TMEM233: variants seen among roughly 807,000 people sequenced by gnomAD.
TMEM233 encodes dispanin subfamily B member 2.
TMEM233 carries 6 observed loss-of-function variants against 11.2 expected under a neutral mutation model. That is an observed-to-expected ratio of 0.54 (90% confidence interval 0.29 to 1.06). TMEM233 has a LOEUF of 1.06. Ranked by LOEUF, TMEM233 falls within the 50% of genes least tolerant of loss-of-function variation. The pLI is 0.08. For synonymous variants in TMEM233, 59 were observed against 55.8 expected (o/e 1.06, Z -0.26); for missense variants, 127 against 144.7 (o/e 0.88, Z 0.63).
At chr12:119,621,450 T>C (rs1016086188) in intron 1 of TMEM233, among the ~76,000 whole-genome samples, 1 of 152,192 alleles carries the variant, frequency 6.6e-6, no homozygotes, top group Non-Finnish European at 1.5e-5. Context: ...CCCAAAGTGC[T>C]GGGATTACAG....
chr12:119,599,541 T>C (rs2136673356), intron 1 of TMEM233, among the ~76,000 whole-genome samples: 1 of 152,196 alleles, frequency 6.6e-6, no homozygotes, highest in South Asian at 2.1e-4. Context: ...CGATGGAAAA[T>C]AGCTGGCTGG....
chr12:119,610,561 TG>T (rs1346422169), intron 1 of TMEM233, among the ~76,000 whole-genome samples: 2 of 152,134 alleles, frequency 1.3e-5, no homozygotes, highest in South Asian at 2.1e-4. Flanking sequence ...AATTGAATCA[TG>T]GGGGTGGTTT....
At chr12:119,643,616 A>C (rs1955113499), downstream of TMEM233, among the ~76,000 whole-genome samples, 1 of 151,924 alleles carries the variant, frequency 6.6e-6, no homozygotes, top group Non-Finnish European at 1.5e-5. Context: ...AAAATACAAA[A>C]AATTAGCCGG....
Position 119,642,571 on chromosome 12 carries a change from A to G in TMEM233, c.*1866A>G, listed in dbSNP as rs139762481. The G allele has an allele frequency of 2.0e-5, 3 of 152,258 alleles. No homozygotes were observed. In the East Asian group the frequency reaches 5.8e-4, roughly 29 times the overall value. 9.4% of individuals were successfully genotyped at this position (152,258 alleles called of 1,614,324 possible). ...GCCCTTTTGTTTTTGCAGGGTTTTT[A>G]TTGGCCACTAACTAGCTATGCAAGC... On this transcript the variant is annotated 3_prime_UTR_variant, in exon 3 of 3. Coordinates refer to ENST00000426426, the MANE Select transcript of TMEM233 (RefSeq NM_001136534.3).
chr12:119,621,855 T>C (rs1954650846), intron 1 of TMEM233, among the ~76,000 whole-genome samples: 1 of 152,206 alleles, frequency 6.6e-6, no homozygotes, highest in Non-Finnish European at 1.5e-5. Context: ...AAAGACCAGC[T>C]AGCCAAAGCA....
Position 119,629,821 on chromosome 12 carries a change from T to A in TMEM233, c.272T>A (p.Ile91Asn). The A allele has an allele frequency of 6.4e-7, 1 of 1,551,666 alleles. No homozygotes were observed. The highest frequency in any genetic ancestry group is 8.7e-7 in the Non-Finnish European group (1 of 1,146,976). The change falls in exon 2 of 3, where the codon ATC (isoleucine) becomes AAC (asparagine). Residue 91 changes from isoleucine to asparagine, a missense_variant. By Grantham distance (149) the Ile-to-Asn change is moderately radical (BLOSUM62 -3). Transcript: ENST00000426426. ...NAKWVAIASI[I>N]IGLLIIGISC... Reference sequence around the variant, plus strand: ...AAGTGGGTAGCCATCGCCTCCATCATCATTGGCCTTCTCATCATCGGCATT... The same window carrying A: ...AAGTGGGTAGCCATCGCCTCCATCAACATTGGCCTTCTCATCATCGGCATT...
intron 2 of TMEM233, among the ~76,000 whole-genome samples, chr12:119,639,461 GA>G (rs68174521): frequency 2.7e-5 from 4 of 146,854 alleles, no homozygotes; most frequent in African/African-American, 7.6e-5. Context: ...ACTAAAAATA[GA>G]AAAAAAAAAA....
At chr12:119,606,316 CAGAGACAG>C (rs926154174) in intron 1 of TMEM233, among the ~76,000 whole-genome samples, 9 of 11,254 alleles carry the variant, frequency 8.0e-4, no homozygotes, top group African/African-American at 1.6e-3. Flanking sequence ...AAGAAAGAAA[CAGAGACAG>C]AGACAGAGAC....
At chr12:119,643,920 G>A (rs147630984), downstream of TMEM233, among the ~76,000 whole-genome samples, 11 of 152,262 alleles carry the variant, frequency 7.2e-5, no homozygotes, top group African/African-American at 2.6e-4. Flanking sequence ...TGGTGCGCAG[G>A]GTTTTTGGGA....
downstream of TMEM233, among the ~76,000 whole-genome samples, chr12:119,644,374 AAAAC>A (rs761565201): frequency 2.2e-4 from 34 of 152,208 alleles, no homozygotes; most frequent in Admixed American, 7.2e-4. Context: ...CAAAAAAACA[AAAAC>A]AAACAAACAA....
At chr12:119,607,578 A>G (rs1042394314) in intron 1 of TMEM233, among the ~76,000 whole-genome samples, 1 of 151,576 alleles carries the variant, frequency 6.6e-6, no homozygotes, top group Non-Finnish European at 1.5e-5. Context: ...TTCAACAAGG[A>G]GAACAAGGTT....
the TMEM233 span, among the ~76,000 whole-genome samples, chr12:119,653,212 G>A: frequency 6.6e-6 from 1 of 151,808 alleles, no homozygotes; most frequent in Non-Finnish European, 1.5e-5. Flanking sequence ...CTAACACGGA[G>A]AAACCCCGTC....
chr12:119,627,707 C>T (rs1954792920), intron 1 of TMEM233, among the ~76,000 whole-genome samples: 1 of 152,204 alleles, frequency 6.6e-6, no homozygotes, highest in Non-Finnish European at 1.5e-5. Flanking sequence ...ATCACGTTTA[C>T]ACATGAGATT....
At chr12:119,612,353 A>T (rs1430416021) in intron 1 of TMEM233, among the ~76,000 whole-genome samples, 1 of 152,070 alleles carries the variant, frequency 6.6e-6, no homozygotes, top group East Asian at 1.9e-4. Flanking sequence ...AGTGACTCAC[A>T]CCTGTAATCC....
chr12:119,614,411 C>A (rs544940059), intron 1 of TMEM233, among the ~76,000 whole-genome samples: 8 of 143,614 alleles, frequency 5.6e-5, no homozygotes, highest in South Asian at 2.3e-4. Flanking sequence ...TCCATCTCAA[C>A]GAGAGAGAGA....
At chr12:119,601,350 A>G (rs1489626731) in intron 1 of TMEM233, among the ~76,000 whole-genome samples, 1 of 152,172 alleles carries the variant, frequency 6.6e-6, no homozygotes, top group African/African-American at 2.4e-5. Flanking sequence ...CTGATCAGGA[A>G]TGCTGAAGGC....
intron 1 of TMEM233, among the ~76,000 whole-genome samples, chr12:119,608,348 T>C (rs527908124): frequency 6.6e-6 from 1 of 152,328 alleles, no homozygotes; most frequent in South Asian, 2.1e-4. Flanking sequence ...AGAAAGTATC[T>C]ACCAAAAGGA....
chr12:119,635,019 G>A (rs1593310724), intron 2 of TMEM233, among the ~76,000 whole-genome samples: 1 of 152,232 alleles, frequency 6.6e-6, no homozygotes, highest in East Asian at 1.9e-4. Flanking sequence ...ACAGAATCAT[G>A]AACTTGCAGT....
intron 1 of TMEM233, among the ~76,000 whole-genome samples, chr12:119,612,455 A>T (rs573241196): frequency 3.0e-4 from 46 of 152,292 alleles, no homozygotes; most frequent in African/African-American, 1.0e-3. Flanking sequence ...TCTTCAAAAA[A>T]TACAAAAAAT....
Sources: allele counts gnomAD v4.1 joint callset (sites outside exome capture counted in the v4.1 genomes callset), GRCh38; gene constraint gnomAD v4.1.1; transcripts MANE v1.5; gene names NCBI Gene and HGNC (gene_info 2026-07-23, HGNC 2026-07-21).